The following NR2F1-AS1 variants were observed in gnomAD, a reference collection of about 807,000 sequenced individuals.
NR2F1-AS1 encodes NR2F1 antisense RNA 1.
At chr5:93,585,555 C>A, upstream of NR2F1-AS1, 1 of 1,334,796 alleles carries the variant, frequency 7.5e-7, no homozygotes, top group Non-Finnish European at 1.0e-6. Context: ...TTCTTTCTCG[C>A]CCGGGTGGTT....
At chr5:93,508,959 C>G (rs1042951753) in intron 4 of NR2F1-AS1, among the ~76,000 whole-genome samples, 2 of 152,056 alleles carry the variant, frequency 1.3e-5, no homozygotes, top group Non-Finnish European at 2.9e-5. Flanking sequence ...CTGGCTACAT[C>G]AGGCAAAGTT....
chr5:93,549,072 A>G (rs1752162776), intron 4 of NR2F1-AS1, among the ~76,000 whole-genome samples: 1 of 152,188 alleles, frequency 6.6e-6, no homozygotes, highest in South Asian at 2.1e-4. Flanking sequence ...CTTTAATCCC[A>G]TAAAAGATGT....
intron 1 of NR2F1-AS1, among the ~76,000 whole-genome samples, chr5:93,578,492 GC>G (rs1463331842): frequency 6.6e-6 from 1 of 152,008 alleles, no homozygotes; most frequent in East Asian, 1.9e-4. Context: ...GGGAGCCCAG[GC>G]CCCGGCAAGG....
intron 4 of NR2F1-AS1, among the ~76,000 whole-genome samples, chr5:93,487,440 C>T (rs1004192221): frequency 1.3e-5 from 2 of 152,052 alleles, no homozygotes; most frequent in African/African-American, 4.8e-5. Context: ...ACAAGCATTC[C>T]TATACACCAA....
intron 4 of NR2F1-AS1, among the ~76,000 whole-genome samples, chr5:93,511,185 G>A (rs918631884): frequency 1.3e-4 from 20 of 152,176 alleles, no homozygotes; most frequent in African/African-American, 4.8e-4. Context: ...AGTAGACTCA[G>A]TAAAGTACAT....
At chr5:93,437,337 G>A (rs1195682405) in intron 4 of NR2F1-AS1, among the ~76,000 whole-genome samples, 1 of 152,106 alleles carries the variant, frequency 6.6e-6, no homozygotes, top group Non-Finnish European at 1.5e-5. Context: ...ATTTTATGTT[G>A]ATTACATGTT....
chr5:93,498,251 T>C (rs970088431), intron 4 of NR2F1-AS1, among the ~76,000 whole-genome samples: 1 of 152,058 alleles, frequency 6.6e-6, no homozygotes, highest in Admixed American at 6.6e-5. Context: ...TTTGGGAGGT[T>C]CTGAAAATTA....
chr5:93,496,728 T>G (rs1438092308), intron 4 of NR2F1-AS1, among the ~76,000 whole-genome samples: 1 of 152,190 alleles, frequency 6.6e-6, no homozygotes, highest in South Asian at 2.1e-4. Context: ...ATTTTTTCTC[T>G]TGTTGCTCTT....
intron 4 of NR2F1-AS1, among the ~76,000 whole-genome samples, chr5:93,467,459 C>T (rs1440564171): frequency 6.6e-6 from 1 of 152,090 alleles, no homozygotes; most frequent in East Asian, 1.9e-4. Context: ...CAGGAACCAC[C>T]CCACACATAA....
At chr5:93,450,039 A>G (rs926554353) in intron 4 of NR2F1-AS1, among the ~76,000 whole-genome samples, 1 of 152,200 alleles carries the variant, frequency 6.6e-6, no homozygotes, top group Admixed American at 6.5e-5. Context: ...AGTGGCCTCA[A>G]AGAATTGCTT....
chr5:93,585,531 C>T (rs1350271586), upstream of NR2F1-AS1: 2 of 1,506,002 alleles, frequency 1.3e-6, no homozygotes, highest in Non-Finnish European at 1.8e-6. Flanking sequence ...TCGCCCGCCT[C>T]CCTGGCTCTT....
In NR2F1-AS1 at chr5:93,530,759, A is replaced by G. The variant is rs577238050; in HGVS notation, n.638+23002T>C. On this transcript the variant is annotated intron_variant and non_coding_transcript_variant, in intron 4 of 5. Coordinates refer to ENST00000660523, the Ensembl canonical transcript of NR2F1-AS1. ...AAAGAGTTCTTCAGTCCTAGAAACA[A>G]TATTTGCTCAAATCCATGATAGTTT... Among the ~76,000 whole-genome samples, 6 of 152,298 alleles carry G rather than the reference A, an allele frequency of 3.9e-5. No individual in the cohort carries two copies. In the East Asian group the frequency reaches 7.7e-4, roughly 20 times the overall value.
exon 3 of NR2F1-AS1, chr5:93,554,885 A>C (rs1021026215): frequency 2.0e-5 from 3 of 152,196 alleles, no homozygotes; most frequent in African/African-American, 7.2e-5. Flanking sequence ...ACGGCATGGT[A>C]GCTACCATAA....
At chr5:93,448,172 C>T (rs957252686) in intron 4 of NR2F1-AS1, among the ~76,000 whole-genome samples, 5 of 152,042 alleles carry the variant, frequency 3.3e-5, no homozygotes, top group Non-Finnish European at 7.4e-5. Flanking sequence ...ACATTGTGCA[C>T]ATGTACCCTA....
intron 4 of NR2F1-AS1, among the ~76,000 whole-genome samples, chr5:93,489,182 CAAGT>C (rs1750787146): frequency 6.6e-6 from 1 of 151,480 alleles, no homozygotes; most frequent in Non-Finnish European, 1.5e-5. Flanking sequence ...ACCACCATGG[CAAGT>C]GTATGTAACA....
At chr5:93,533,450 C>A (rs1198577157) in intron 4 of NR2F1-AS1, among the ~76,000 whole-genome samples, 1 of 152,096 alleles carries the variant, frequency 6.6e-6, no homozygotes, top group Non-Finnish European at 1.5e-5. Context: ...AATGAGTTTT[C>A]TTAAGTCAAG....
intron 4 of NR2F1-AS1, among the ~76,000 whole-genome samples, chr5:93,457,679 T>C (rs1749982273): frequency 6.6e-6 from 1 of 152,118 alleles, no homozygotes; most frequent in South Asian, 2.1e-4. Context: ...CACACACCGT[T>C]GATACAATCA....
intron 4 of NR2F1-AS1, among the ~76,000 whole-genome samples, chr5:93,535,069 G>A (rs944109548): frequency 6.6e-6 from 1 of 151,892 alleles, no homozygotes; most frequent in Admixed American, 6.6e-5. Flanking sequence ...AAAGCAGAAA[G>A]TATGTTAAGG....
chr5:93,417,860 A>C (rs575061753), intron 4 of NR2F1-AS1, among the ~76,000 whole-genome samples: 1 of 152,302 alleles, frequency 6.6e-6, no homozygotes, highest in Admixed American at 6.5e-5. Flanking sequence ...TCCATAATAC[A>C]CAGGGGATTT....
Sources: gnomAD v4.1 joint callset for allele counts (sites outside exome capture counted in the v4.1 genomes callset) on GRCh38, gnomAD v4.1.1 for gene constraint, MANE v1.5 for transcripts, NCBI Gene and HGNC (gene_info 2026-07-23, HGNC 2026-07-21) for gene names.